The following MACROD2 variants were observed in gnomAD, a reference collection of about 807,000 sequenced individuals.
The protein encoded by MACROD2 is mono-ADP ribosylhydrolase 2.
In MACROD2, 36 loss-of-function variants were observed where a neutral mutation model predicts 70.4. That is an observed-to-expected ratio of 0.51 (90% CI 0.39 to 0.68). The LOEUF is 0.68. Among genes scored for constraint, MACROD2 ranks in the 30% least tolerant of loss-of-function variants. The probability of loss-of-function intolerance (pLI) is 0.00; values close to 1 mark genes in which losing one functional copy is unlikely to be tolerated. For synonymous variants in MACROD2, 172 were observed against 178.8 expected, an observed-to-expected ratio of 0.96 and a Z score of 0.30; for missense variants, 496 against 538.4, an observed-to-expected ratio of 0.92 and a Z score of 0.78.
intron 4 of MACROD2, among the ~76,000 whole-genome samples, chr20:14,561,200 T>G (rs1289154109): frequency 1.3e-5 from 2 of 151,876 alleles, no homozygotes; most frequent in African/African-American, 4.8e-5. Context: ...GTAAATTGTA[T>G]ATGAACAATT....
intron 5 of MACROD2, chr20:14,905,257 T>C (rs988664739): frequency 1.3e-5 from 2 of 152,100 alleles, no homozygotes; most frequent in African/African-American, 4.8e-5. Flanking sequence ...ATCCAGAATT[T>C]CAAGAAATGG....
chr20:14,384,899 T>C (rs1345055739), intron 3 of MACROD2, among the ~76,000 whole-genome samples: 1 of 152,122 alleles, frequency 6.6e-6, no homozygotes, highest in Non-Finnish European at 1.5e-5. Context: ...TAAAGTTCTT[T>C]CCCTGCCAAG....
chr20:15,067,022 GT>G (rs1234853407), intron 5 of MACROD2, among the ~76,000 whole-genome samples: 5 of 151,842 alleles, frequency 3.3e-5, no homozygotes, highest in African/African-American at 1.2e-4. Context: ...TGGAAAAAAA[GT>G]AACCAGTTTG....
chr20:15,796,337 T>C (rs894285395), intron 8 of MACROD2, among the ~76,000 whole-genome samples: 2 of 152,234 alleles, frequency 1.3e-5, no homozygotes, highest in Non-Finnish European at 2.9e-5. Flanking sequence ...CCAAAATTCA[T>C]TGAGCTCTCT....
intron 5 of MACROD2, among the ~76,000 whole-genome samples, chr20:15,214,498 G>A (rs2076791805): frequency 6.6e-6 from 1 of 152,062 alleles, no homozygotes; most frequent in Admixed American, 6.5e-5. Context: ...GACCAGCATG[G>A]TCATCATAGC....
chr20:14,302,679 C>T (rs772447847), intron 3 of MACROD2, among the ~76,000 whole-genome samples: 7 of 150,498 alleles, frequency 4.7e-5, no homozygotes, highest in East Asian at 3.9e-4. Flanking sequence ...TTTTTTTAGA[C>T]GGAGTTTCAC....
chr20:15,598,284 A>G (rs1481332876), intron 8 of MACROD2, among the ~76,000 whole-genome samples: 3 of 152,194 alleles, frequency 2.0e-5, no homozygotes, highest in Non-Finnish European at 4.4e-5. Context: ...TCTTTAAGAC[A>G]CTTCATTTCC....
chr20:14,675,459 T>G (rs2070848426), intron 4 of MACROD2, among the ~76,000 whole-genome samples: 1 of 152,096 alleles, frequency 6.6e-6, no homozygotes, highest in South Asian at 2.1e-4. Flanking sequence ...AAACTAAGCT[T>G]CATAAGTGAA....
At chr20:14,733,788 A>G (rs893595151) in intron 5 of MACROD2, among the ~76,000 whole-genome samples, 1 of 152,270 alleles carries the variant, frequency 6.6e-6, no homozygotes, top group Non-Finnish European at 1.5e-5. Flanking sequence ...AATGAAGCCA[A>G]GTTTATCCAA....
intron 2 of MACROD2, among the ~76,000 whole-genome samples, chr20:14,003,199 C>T (rs2052759481): frequency 6.6e-6 from 1 of 152,138 alleles, no homozygotes; most frequent in South Asian, 2.1e-4. Context: ...TGGAACTACA[C>T]CGGGTACTAT....
intron 5 of MACROD2, among the ~76,000 whole-genome samples, chr20:15,001,048 A>G (rs562405399): frequency 6.6e-6 from 1 of 152,190 alleles, no homozygotes; most frequent in Non-Finnish European, 1.5e-5. Flanking sequence ...ATGGTCTGGT[A>G]AATGCTGTTG....
chr20:14,473,500 A>C (rs777741213), intron 3 of MACROD2, among the ~76,000 whole-genome samples: 5 of 152,218 alleles, frequency 3.3e-5, no homozygotes, highest in Non-Finnish European at 7.3e-5. Flanking sequence ...TTAAGGCTGA[A>C]TAGTATTCCA....
At chr20:14,588,862 T>A (rs780379987) in intron 4 of MACROD2, among the ~76,000 whole-genome samples, 9 of 152,260 alleles carry the variant, frequency 5.9e-5, no homozygotes, top group Non-Finnish European at 1.2e-4. Context: ...GCTTTTGATA[T>A]GTTTCTTGTC....
chr20:15,862,617 T>C, intron 8 of MACROD2, 128 bp from the exon 9 acceptor site: 1 of 664,132 alleles, frequency 1.5e-6, no homozygotes, highest in East Asian at 2.6e-5. Context: ...AATGCTATGA[T>C]GTAGATAGCA....
At chr20:14,049,811 C>T (rs2053538952) in intron 2 of MACROD2, among the ~76,000 whole-genome samples, 2 of 144,150 alleles carry the variant, frequency 1.4e-5, no homozygotes, top group African/African-American at 2.6e-5. Flanking sequence ...AAGGCTGGTG[C>T]GGTGGCTCAC....
chr20:14,854,469 A>C (rs73897216), intron 5 of MACROD2, among the ~76,000 whole-genome samples: 7 of 152,196 alleles, frequency 4.6e-5, no homozygotes, highest in Admixed American at 4.6e-4. Context: ...GGAATGTCCT[A>C]CTAAGCATGG....
intron 6 of MACROD2, among the ~76,000 whole-genome samples, chr20:15,264,871 C>T (rs1485578457): frequency 6.6e-6 from 1 of 152,084 alleles, no homozygotes. Context: ...GTGAGATGGA[C>T]AGACTGGGCC....
chr20:15,955,677 G>A (rs1465781144), intron 12 of MACROD2, among the ~76,000 whole-genome samples: 1 of 152,044 alleles, frequency 6.6e-6, no homozygotes, highest in African/African-American at 2.4e-5. Context: ...AACCACAAAT[G>A]AGAACTACAT....
At chr20:14,941,054 G>T (rs2074385453) in intron 5 of MACROD2, among the ~76,000 whole-genome samples, 1 of 152,010 alleles carries the variant, frequency 6.6e-6, no homozygotes, top group Non-Finnish European at 1.5e-5. Flanking sequence ...TTTTATTACA[G>T]CTTCAGTCTC....
Sources: allele counts gnomAD v4.1 joint callset (sites outside exome capture counted in the v4.1 genomes callset), GRCh38; gene constraint gnomAD v4.1.1; transcripts MANE v1.5; gene names NCBI Gene and HGNC (gene_info 2026-07-23, HGNC 2026-07-21).